Variants in SEPTIN7 observed in about 807,000 individuals in gnomAD.
SEPTIN7 encodes septin 7.
A neutral mutation model predicts 63.3 loss-of-function variants in SEPTIN7; 10 were observed. The observed-to-expected ratio is 0.16, with a 90% CI of 0.10 to 0.27. The LOEUF is 0.27. Ranked by LOEUF, SEPTIN7 falls within the 10% of genes least tolerant of loss-of-function variation. The pLI, the probability that SEPTIN7 is intolerant of heterozygous loss-of-function variation, is 1.00. For missense variants in SEPTIN7, 310 were observed against 521.0 expected (o/e 0.59, Z 3.94); for synonymous variants, 131 against 165.3 (o/e 0.79, Z 1.59).
At chr7:35,883,544 C>A (rs950806937) in intron 8 of SEPTIN7, among the ~76,000 whole-genome samples, 1 of 148,902 alleles carries the variant, frequency 6.7e-6, no homozygotes, top group Admixed American at 6.7e-5. Context: ...ATTAGCCCCC[C>A]GCTTTTTTTC....
intron 10 of SEPTIN7, among the ~76,000 whole-genome samples, chr7:35,886,515 A>G (rs1787256318): frequency 6.6e-6 from 1 of 152,176 alleles, no homozygotes. Context: ...AGGACTAGAG[A>G]TGTTAGTAGA....
At chr7:35,891,748 C>T (rs192387905) in intron 11 of SEPTIN7, among the ~76,000 whole-genome samples, 61 of 152,208 alleles carry the variant, frequency 4.0e-4, no homozygotes, top group Admixed American at 7.8e-4. Context: ...TTAAATTTCT[C>T]TTCAATAATC....
chr7:35,803,774 A>G (rs909031576), intron 1 of SEPTIN7, among the ~76,000 whole-genome samples: 24 of 152,204 alleles, frequency 1.6e-4, no homozygotes, highest in Non-Finnish European at 3.4e-4. Context: ...ACTTTATTAT[A>G]CAATAGAAAC....
At position 35,863,590 on chromosome 7, in the gene SEPTIN7, T is replaced by G. The variant is rs1785633380; in HGVS notation, c.208T>G (p.Leu70Val). The change falls in exon 4 of 14, where the codon TTA becomes GTA. Residue 70 changes from leucine to valine, a missense_variant. This residue lies in a region of SEPTIN7 where 255 missense variants were observed against 490.5 expected (regional missense o/e 0.52). Transcript: ENST00000350320. ...GGGAAAGTCGACATTAATCAACTCA[T>G]TATTCCTCACAGATTTGTATTCTCC... ...GLGKSTLINSLFLTDLYSPEY... is the reference protein window; with the variant it reads ...GLGKSTLINSVFLTDLYSPEY... 2 of 1,591,520 alleles carry G rather than the reference T, an allele frequency of 1.3e-6. No homozygotes were observed. The highest frequency in any genetic ancestry group is 3.3e-5 in the Admixed American group (2 of 59,838).
chr7:35,885,357 C>T (rs1787162744), intron 9 of SEPTIN7, among the ~76,000 whole-genome samples: 1 of 151,992 alleles, frequency 6.6e-6, no homozygotes, highest in Admixed American at 6.6e-5. Context: ...TTGTAGTTTA[C>T]CCCTCTACTC....
At chr7:35,861,717 A>C (rs1237709375) in intron 3 of SEPTIN7, among the ~76,000 whole-genome samples, 2 of 152,028 alleles carry the variant, frequency 1.3e-5, no homozygotes, top group Non-Finnish European at 2.9e-5. Context: ...TCTCTCACCC[A>C]ATGAGGTCCC....
Position 35,890,690 on chromosome 7 carries a change from G to T in SEPTIN7, c.895G>T (p.Asp299Tyr), listed in dbSNP as rs1246028482. ...CAGAACACACATGCAGGACTTGAAA[G>T]ATGTTACTAATAATGTCCACTATGA... is the stretch of plus-strand genomic sequence containing the variant. ...LIRTHMQDLK[D>Y]VTNNVHYENY... is the part of the protein sequence containing the mutation. The change falls in exon 11 of 14, where the codon GAT (aspartate) becomes TAT (tyrosine). Residue 299 changes from aspartate to tyrosine, a missense_variant. By Grantham distance (160) the Asp-to-Tyr change is radical (BLOSUM62 -3). This residue lies in a region of SEPTIN7 where 255 missense variants were observed against 490.5 expected (regional missense o/e 0.52). Coordinates refer to ENST00000350320, the MANE Select transcript of SEPTIN7 (RefSeq NM_001788.6). The T allele has an allele frequency of 1.3e-6, 2 of 1,579,260 alleles. No individual in the cohort carries two copies. The highest frequency in any genetic ancestry group is 1.7e-6 in the Non-Finnish European group (2 of 1,165,672).
chr7:35,906,601 T>G lies in SEPTIN7; in HGVS notation c.*2308T>G, dbSNP rs1430655676. 6.6e-6 allele frequency: 1 copy of G among 152,234 alleles called. No individual in the cohort carries two copies. The highest frequency in any genetic ancestry group is 1.5e-5 in the Non-Finnish European group (1 of 68,040). 9.4% of individuals were successfully genotyped at this position (152,234 alleles called of 1,614,324 possible). A position where few individuals can be genotyped will look rare whatever the true frequency, so the allele number is the denominator to read the frequency against. ...AGCACTAATAATACCAGTGAACCAC[T>G]TGGGCACCTTGTGGGTAGAGTTTTG... On this transcript the variant is annotated 3_prime_UTR_variant, in exon 14 of 14. Coordinates refer to ENST00000350320, the MANE Select transcript of SEPTIN7 (RefSeq NM_001788.6).
At chr7:35,892,016 C>T (rs1787679889) in intron 11 of SEPTIN7, among the ~76,000 whole-genome samples, 1 of 152,100 alleles carries the variant, frequency 6.6e-6, no homozygotes, top group Non-Finnish European at 1.5e-5. Context: ...ATCAAGATGC[C>T]ACTGGGCAGT....
intron 3 of SEPTIN7, among the ~76,000 whole-genome samples, chr7:35,848,612 T>G (rs2116038051): frequency 6.6e-6 from 1 of 152,316 alleles, no homozygotes; most frequent in East Asian, 1.9e-4. Context: ...TAGACTGTAT[T>G]TAAACCGTCA....
chr7:35,876,680 T>C (rs1477812017), intron 6 of SEPTIN7, among the ~76,000 whole-genome samples: 1 of 151,990 alleles, frequency 6.6e-6, no homozygotes, highest in East Asian at 1.9e-4. Context: ...ATTAAAAAGT[T>C]AGTTGAGGCT....
At chr7:35,911,577 C>T (rs1195691759), downstream of SEPTIN7, among the ~76,000 whole-genome samples, 3 of 152,154 alleles carry the variant, frequency 2.0e-5, no homozygotes, top group South Asian at 2.1e-4. Flanking sequence ...CCTCTCAGTC[C>T]GTGTGCCACG....
chr7:35,815,930 C>T (rs1789027725), intron 1 of SEPTIN7, among the ~76,000 whole-genome samples: 1 of 152,110 alleles, frequency 6.6e-6, no homozygotes, highest in African/African-American at 2.4e-5. Context: ...CACTTTCCCA[C>T]ACATCGATAG....
chr7:35,865,974 T>A (rs1785788085), intron 4 of SEPTIN7, among the ~76,000 whole-genome samples: 1 of 152,188 alleles, frequency 6.6e-6, no homozygotes, highest in Non-Finnish European at 1.5e-5. Flanking sequence ...TCCCAGAAAC[T>A]CTCTTTATCT....
intron 1 of SEPTIN7, among the ~76,000 whole-genome samples, chr7:35,818,291 T>G (rs1478072436): frequency 6.6e-6 from 1 of 152,104 alleles, no homozygotes; most frequent in Non-Finnish European, 1.5e-5. Flanking sequence ...AATTTTCATA[T>G]GTAAAACCAA....
downstream of SEPTIN7, among the ~76,000 whole-genome samples, chr7:35,907,987 G>A (rs1051193270): frequency 3.9e-5 from 6 of 152,110 alleles, no homozygotes; most frequent in East Asian, 1.9e-4. Flanking sequence ...TTTTAGTGAC[G>A]GTTTATTTTT....
At chr7:35,858,899 T>C (rs1373573872) in intron 3 of SEPTIN7, among the ~76,000 whole-genome samples, 1 of 150,786 alleles carries the variant, frequency 6.6e-6, no homozygotes, top group Non-Finnish European at 1.5e-5. Flanking sequence ...AGGCTGGTCT[T>C]GAACTCCTGA....
rs188846067 is a variant in SEPTIN7 at position 35,898,990 on chromosome 7, A to G, written c.1134+607A>G. On this transcript the variant is annotated intron_variant, in intron 12 of 13. Transcript: ENST00000350320. ...ACAAAACATCCCAGAAGACATACCT[A>G]CTATCTTGAAACCCTTCTAGATGTT... 2.0e-5 allele frequency: 3 copies of G among 152,354 alleles called. No individual in the cohort carries two copies. In the East Asian group the frequency reaches 5.8e-4, roughly 29 times the overall value. The allele number at this position is 152,354 out of a possible 1,614,324, so 9.4% of individuals were successfully genotyped here.
intron 3 of SEPTIN7, among the ~76,000 whole-genome samples, chr7:35,843,300 T>C (rs1185210597): frequency 1.3e-5 from 2 of 152,188 alleles, no homozygotes; most frequent in Non-Finnish European, 2.9e-5. Flanking sequence ...GGATGCCCCC[T>C]CATCCTATTT....
Sources: allele counts gnomAD v4.1 joint callset (sites outside exome capture counted in the v4.1 genomes callset), GRCh38; gene constraint gnomAD v4.1.1; regional missense constraint gnomAD v4.1.1; transcripts MANE v1.5; gene names NCBI Gene and HGNC (gene_info 2026-07-23, HGNC 2026-07-21).